CNIH3: variants seen among roughly 807,000 people sequenced by gnomAD.
CNIH3 encodes protein cornichon homolog 3.
CNIH3 carries 14 observed loss-of-function variants against 24.1 expected under a neutral mutation model. That is an observed-to-expected ratio of 0.58 (90% confidence interval 0.38 to 0.91). The LOEUF (loss-of-function observed/expected upper bound fraction) is 0.91, where lower values mean the gene tolerates loss of function less well. Ranked by LOEUF, CNIH3 falls within the 40% of genes least tolerant of loss-of-function variation. The pLI is 0.00. For synonymous variants in CNIH3, 68 were observed against 73.8 expected (o/e 0.92, Z 0.40); for missense variants, 178 against 196.8 (o/e 0.90, Z 0.57).
rs1012724590 is a variant in CNIH3, at chr1:224,604,854, C to T, written n.402+38590C>T. Reference sequence around the variant, plus strand: ...TGTGCCCAGGAAGAATGAGGATACACTGGACATTGAACAGTGAGGAGGGCA... The same window carrying T: ...TGTGCCCAGGAAGAATGAGGATACATTGGACATTGAACAGTGAGGAGGGCA... On this transcript the variant is annotated intron_variant and non_coding_transcript_variant, in intron 3 of 7. Transcript: ENST00000478120. This position sits in a 1 kb window ranked among gnomAD's most constrained non-coding sequence, Gnocchi z 4.4. Among the ~76,000 whole-genome samples the T allele has an allele frequency of 2.0e-5, 3 of 152,178 alleles. No individual in the cohort carries two copies. The highest frequency in any genetic ancestry group is 2.9e-5 in the Non-Finnish European group (2 of 68,032).
chr1:224,577,794 T>C (rs1214259995), intron 4 of CNIH3, among the ~76,000 whole-genome samples: 1 of 152,150 alleles, frequency 6.6e-6, no homozygotes, highest in African/African-American at 2.4e-5. Flanking sequence ...TAATTCACAA[T>C]TGTAAAAATA....
At chr1:224,688,515 GA>G (rs1347520835) in intron 3 of CNIH3, among the ~76,000 whole-genome samples, 1 of 152,158 alleles carries the variant, frequency 6.6e-6, no homozygotes, top group Non-Finnish European at 1.5e-5. Context: ...GTAAGTGAGT[GA>G]ATGAGTGCCA....
chr1:224,576,173 T>C (rs2125007590), intron 4 of CNIH3, among the ~76,000 whole-genome samples: 1 of 152,340 alleles, frequency 6.6e-6, no homozygotes, highest in Non-Finnish European at 1.5e-5. Context: ...ATTTTTCTAA[T>C]GTATGTAAAT....
chr1:224,574,649 G>A (rs1297796041), intron 4 of CNIH3: 6 of 929,782 alleles, frequency 6.5e-6, no homozygotes, highest in Non-Finnish European at 1.1e-5. Flanking sequence ...AGTGTGAGGA[G>A]CTCTTCATCA....
At chr1:224,718,636 G>T (rs1048142237) in intron 3 of CNIH3, among the ~76,000 whole-genome samples, 5 of 152,112 alleles carry the variant, frequency 3.3e-5, no homozygotes, top group African/African-American at 1.2e-4. Flanking sequence ...AGGAGGAGAC[G>T]GGTGGCTCTG....
At chr1:224,453,979 C>T (rs1675538528) in intron 1 of CNIH3, among the ~76,000 whole-genome samples, 1 of 152,096 alleles carries the variant, frequency 6.6e-6, no homozygotes, top group African/African-American at 2.4e-5. Context: ...GAATCTCTGT[C>T]TTAACTTTAG....
intron 2 of CNIH3, among the ~76,000 whole-genome samples, chr1:224,534,615 G>A (rs1173964287): frequency 6.6e-6 from 1 of 152,190 alleles, no homozygotes; most frequent in Non-Finnish European, 1.5e-5. Context: ...GTCTTTGGAA[G>A]AAGCAGTAAT....
At chr1:224,542,897 C>A (rs553972466) in intron 2 of CNIH3, among the ~76,000 whole-genome samples, 1 of 152,352 alleles carries the variant, frequency 6.6e-6, no homozygotes, top group East Asian at 1.9e-4. Context: ...CATGGAGACT[C>A]TAATACCATT....
At position 224,572,151 on chromosome 1, in the gene CNIH3, A is replaced by C. The variant is rs889506795; in HGVS notation, n.516+5887A>C. Among the ~76,000 whole-genome samples the C allele has an allele frequency of 4.6e-5, 7 of 152,214 alleles. No individual in the cohort carries two copies. In the East Asian group the frequency reaches 1.2e-3, roughly 25 times the overall value. On this transcript the variant is annotated intron_variant and non_coding_transcript_variant, in intron 4 of 5. Transcript: ENST00000471578. ...GAGAACTGGAAATTGTGTCAAAGGC[A>C]ACTAAACTCTACTTCTGGTATGAGG...
rs186286860 is a variant in CNIH3 at position 224,549,529 on chromosome 1, A to G, written n.450+2590A>G. Among the ~76,000 whole-genome samples, 281 of 152,244 alleles carry G rather than the reference A, an allele frequency of 1.8e-3. 3 individuals carry two copies. The highest frequency in any genetic ancestry group is 6.1e-3 in the African/African-American group (254 of 41,560). On this transcript the variant is annotated intron_variant and non_coding_transcript_variant, in intron 3 of 5. Coordinates refer to the CNIH3 transcript ENST00000471578. Reference sequence around the variant, plus strand: ...ATATTTTCTTAATATCACAGACTGTATGCACACACTAAATGTTACAGACAA... The same window carrying G: ...ATATTTTCTTAATATCACAGACTGTGTGCACACACTAAATGTTACAGACAA...
At chr1:224,448,915 A>G (rs139552136) in intron 1 of CNIH3, among the ~76,000 whole-genome samples, 6 of 151,888 alleles carry the variant, frequency 4.0e-5, no homozygotes, top group Admixed American at 3.9e-4. Context: ...ATTTCCATGA[A>G]GAATGTCACA....
chr1:224,461,775 C>T, intron 1 of CNIH3, among the ~76,000 whole-genome samples: 1 of 152,178 alleles, frequency 6.6e-6, no homozygotes, highest in East Asian at 1.9e-4. Flanking sequence ...AAAGAAAACC[C>T]ATATCAATTA....
chr1:224,453,969 G>A (rs1675538401), intron 1 of CNIH3, among the ~76,000 whole-genome samples: 1 of 152,062 alleles, frequency 6.6e-6, no homozygotes, highest in South Asian at 2.1e-4. Context: ...TGCGCATTAA[G>A]AATCTCTGTC....
intron 4 of CNIH3, among the ~76,000 whole-genome samples, chr1:224,578,232 AAAGTT>A (rs1681120893): frequency 6.6e-6 from 1 of 152,234 alleles, no homozygotes; most frequent in African/African-American, 2.4e-5. Flanking sequence ...GGTAAAATAA[AAAGTT>A]AAACATTCGC....
At position 224,585,230 on chromosome 1, in the gene CNIH3, C is replaced by T. The variant is rs985951045; in HGVS notation, n.620+1963C>T. On this transcript the variant is annotated intron_variant and non_coding_transcript_variant, in intron 5 of 5. Coordinates refer to the CNIH3 transcript ENST00000471578. The stretch of plus-strand genomic sequence containing the variant: ...GCCCGTTTCCCTAGATCGAATCCTA[C>T]TCGCTTATTTTTCCAGGCCTGTCTT... Among the ~76,000 whole-genome samples the T allele has an allele frequency of 5.9e-5, 9 of 152,318 alleles. No individual in the cohort carries two copies. In the East Asian group the frequency reaches 1.7e-3, roughly 29 times the overall value.
chr1:224,536,017 C>T (rs145722809), intron 2 of CNIH3, among the ~76,000 whole-genome samples: 1 of 152,268 alleles, frequency 6.6e-6, no homozygotes, highest in East Asian at 1.9e-4. Context: ...GTAAAGGAAC[C>T]TGTGGATGTA....
chr1:224,673,195 C>A (rs960545842), intron 1 of CNIH3, among the ~76,000 whole-genome samples: 8 of 152,220 alleles, frequency 5.3e-5, no homozygotes, highest in Non-Finnish European at 8.8e-5. Context: ...CATGTCCATG[C>A]AACTCCTTTT....
At chr1:224,714,950 G>C (rs1341826194) in intron 3 of CNIH3, among the ~76,000 whole-genome samples, 3 of 152,174 alleles carry the variant, frequency 2.0e-5, no homozygotes, top group African/African-American at 7.2e-5. Flanking sequence ...ACCTTACGTA[G>C]TAAGGAACAG....
intron 2 of CNIH3, among the ~76,000 whole-genome samples, chr1:224,530,130 C>A (rs1679007101): frequency 6.6e-6 from 1 of 152,180 alleles, no homozygotes; most frequent in Non-Finnish European, 1.5e-5. Flanking sequence ...AAAGCTTCAC[C>A]AAACACATGC....
Sources: gnomAD v4.1 joint callset for allele counts (sites outside exome capture counted in the v4.1 genomes callset) on GRCh38, gnomAD v4.1.1 for gene constraint, Gnocchi (gnomAD v3.1) non-coding constraint, MANE v1.5 for transcripts, NCBI Gene and HGNC (gene_info 2026-07-23, HGNC 2026-07-21) for gene names.